The following PRR14 variants were observed in gnomAD, a reference collection of about 807,000 sequenced individuals.
PRR14 encodes proline rich 14.
A neutral mutation model predicts 57.2 loss-of-function variants in PRR14; 33 were observed. The observed-to-expected ratio is 0.58, with a 90% CI of 0.44 to 0.77. The LOEUF (loss-of-function observed/expected upper bound fraction) is 0.77, where lower values mean the gene tolerates loss of function less well. Among genes scored for constraint, PRR14 ranks in the 30% least tolerant of loss-of-function variants. The pLI, the probability that PRR14 is intolerant of heterozygous loss-of-function variation, is 0.00. For synonymous variants in PRR14, 303 were observed against 314.7 expected, an observed-to-expected ratio of 0.96 and a Z score of 0.39; for missense variants, 716 against 788.1, an observed-to-expected ratio of 0.91 and a Z score of 1.10.
chr16:30,653,285 C>G, intron 5 of PRR14, 80 bp from the exon 6 acceptor site: 1 of 1,508,796 alleles, frequency 6.6e-7, no homozygotes, highest in Non-Finnish European at 9.2e-7. Context: ...AAGCAGCTAT[C>G]CGGGAACTGA....
Position 30,651,562 on chromosome 16 carries a change from C to T in PRR14, c.-50-34C>T. 1 of 833,660 alleles carries T rather than the reference C, an allele frequency of 1.2e-6. No individual in the cohort carries two copies. The highest frequency in any genetic ancestry group is 1.8e-6 in the Non-Finnish European group (1 of 556,360). 51.6% of individuals were successfully genotyped at this position (833,660 alleles called of 1,614,324 possible). A position where few individuals can be genotyped will look rare whatever the true frequency, so the allele number is the denominator to read the frequency against. On this transcript the variant is annotated intron_variant, in intron 1 of 11. Transcript: ENST00000300835. This position sits in a 1 kb window ranked among gnomAD's most constrained non-coding sequence, Gnocchi z 5.0. Reference sequence around the variant, plus strand: ...GAGCCCCAGGGAAGGGGCCGGCCCTCACCCCCCGCTCCCCCGCTCCCCCCT... The same window carrying T: ...GAGCCCCAGGGAAGGGGCCGGCCCTTACCCCCCGCTCCCCCGCTCCCCCCT...
At position 30,656,180 on chromosome 16, in the gene PRR14, G is replaced by A. The variant is rs2052370590; in HGVS notation, c.1627G>A (p.Gly543Ser). Residue 543 changes from glycine (G) to serine (S), a missense_variant, in exon 12 of 12, where the codon GGC becomes AGC. Gly to Ser is a moderately conservative substitution (Grantham distance 56). Coordinates refer to ENST00000300835, the MANE Select transcript of PRR14 (RefSeq NM_024031.5). ...RPSRGVRAAGGRTVPPNVAPS... is the reference protein window; with the variant it reads ...RPSRGVRAAGSRTVPPNVAPS... ...GTCCCGTGGGGTCCGGGCTGCAGGG[G>A]GCAGGACTGTTCCTCCCAATGTGGC... is the stretch of plus-strand genomic sequence containing the variant. The A allele has an allele frequency of 5.6e-6, 9 of 1,609,850 alleles. No homozygotes were observed. Among genetic ancestry groups the A allele is most frequent in the Non-Finnish European group, 7.6e-6 (9 of 1,178,556 alleles).
chr16:30,652,054 G>T (rs1478784642), intron 3 of PRR14, 90 bp downstream of exon 3: 6 of 1,377,822 alleles, frequency 4.4e-6, no homozygotes, highest in Non-Finnish European at 4.9e-6. Flanking sequence ...GATAACTGAA[G>T]TCCAAATCCA....
rs764135927 is a variant in PRR14, at chr16:30,652,730, G to A, written c.202G>A (p.Val68Met). 22 of 1,613,998 alleles carry A rather than the reference G, an allele frequency of 1.4e-5. No homozygotes were observed. Among genetic ancestry groups the A allele is most frequent in the East Asian group, 2.2e-5 (1 of 44,886 alleles). ...DVMAVHMVPVVPSKQTSIPQH... is the reference protein window; with the variant it reads ...DVMAVHMVPVMPSKQTSIPQH... ...CCTCTTTCTCTTCCAGGTCCCCGTG[G>A]TGCCCTCAAAGCAGACCTCCATACC... Residue 68 changes from valine to methionine, a missense_variant, in exon 4 of 12, where the codon GTG (valine) becomes ATG (methionine). By Grantham distance (21) the Val-to-Met change is conservative. Transcript: ENST00000300835.
Position 30,654,843 on chromosome 16 carries a change from C to G in PRR14, c.873C>G (p.Ala291=). The G allele has an allele frequency of 1.9e-6, 3 of 1,608,690 alleles. No individual in the cohort carries two copies. Among genetic ancestry groups the G allele is most frequent in the Non-Finnish European group, 2.5e-6 (3 of 1,176,744 alleles). Residue 291 remains alanine (A), a synonymous_variant, in exon 8 of 12, where the codon GCC becomes GCG. Coordinates refer to ENST00000300835, the MANE Select transcript of PRR14 (RefSeq NM_024031.5). The part of the protein sequence containing the change: ...KLELKIAISE[A]EQSGAAEGTA... ...AGTTGAAGATCGCCATCTCAGAGGC[C>G]GAGCAGTCTGGGGCTGCTGAGGGCA...
Position 30,650,991 on chromosome 16 carries a change from AGTGGATCCCTGGG to A in PRR14, c.-185_-173del. 1 of 455,876 alleles carries A rather than the reference AGTGGATCCCTGGG, an allele frequency of 2.2e-6. No individual in the cohort carries two copies. Among genetic ancestry groups the A allele is most frequent in the Non-Finnish European group, 4.4e-6 (1 of 226,286 alleles). 28.2% of individuals were successfully genotyped at this position (455,876 alleles called of 1,614,324 possible). Reference sequence around the variant, plus strand: ...GGAGTGAAGAGGGTATCTGCTTGACAGTGGATCCCTGGGGATCTACGCTGAGTTCGGAGATGCT... The same window carrying A: ...GGAGTGAAGAGGGTATCTGCTTGACAGATCTACGCTGAGTTCGGAGATGCT... On this transcript the variant is annotated 5_prime_UTR_variant, in exon 1 of 12. Coordinates refer to ENST00000300835, the MANE Select transcript of PRR14 (RefSeq NM_024031.5).
Position 30,655,784 on chromosome 16 carries a change from A to G in PRR14, c.1407-84A>G. ...CTCCTGGCCCTGACATGTCCCAGAA[A>G]CTGAAATACAGACCAGGCCTTACCT... On this transcript the variant is annotated intron_variant, in intron 10 of 11. Coordinates refer to ENST00000300835, the MANE Select transcript of PRR14 (RefSeq NM_024031.5). This position sits in a 1 kb window ranked among gnomAD's most constrained non-coding sequence, Gnocchi z 4.6. The G allele has an allele frequency of 1.3e-6, 2 of 1,491,518 alleles. No individual in the cohort carries two copies. Among genetic ancestry groups the G allele is most frequent in the South Asian group, 2.3e-5 (2 of 88,418 alleles). 92.4% of individuals were successfully genotyped at this position (1,491,518 alleles called of 1,614,324 possible).
Position 30,653,038 on chromosome 16 carries a change from C to T in PRR14, c.439C>T (p.Arg147Trp), listed in dbSNP as rs146665318. Residue 147 changes from arginine (R) to tryptophan (W), a missense_variant, in exon 5 of 12, where the codon CGG (arginine) becomes TGG (tryptophan). Physicochemically the swap from Arg to Trp is moderately radical, Grantham distance 101. Coordinates refer to ENST00000300835, the MANE Select transcript of PRR14 (RefSeq NM_024031.5). ...PEEGPSQKVD[R>W]APQPTLVVML... ...GGAGGGCCCTTCACAAAAGGTGGAC[C>T]GGGCCCCCCAGCCCACCCTGGTGGT... 257 of 1,613,794 alleles carry T rather than the reference C, an allele frequency of 1.6e-4. No homozygotes were observed. The highest frequency in any genetic ancestry group is 2.0e-4 in the Non-Finnish European group (238 of 1,179,944).
chr16:30,651,020 CGGA>C lies in PRR14; in HGVS notation c.-156_-154del, dbSNP rs772374024. ...GATCCCTGGGGATCTACGCTGAGTT[CGGA>C]GATGCTCCAGCTCGGGCCGCCCCTG... On this transcript the variant is annotated 5_prime_UTR_variant, in exon 1 of 12. Transcript: ENST00000300835. The surrounding 1 kb of genome is among the most constrained non-coding windows in gnomAD (Gnocchi z 5.0). 1.1e-4 allele frequency: 50 copies of C among 456,266 alleles called. 1 individual carries two copies. Among genetic ancestry groups the C allele is most frequent in the Non-Finnish European group, 1.9e-4 (44 of 226,748 alleles). 28.3% of individuals were successfully genotyped at this position (456,266 alleles called of 1,614,324 possible). A position where few individuals can be genotyped will look rare whatever the true frequency, so the allele number is the denominator to read the frequency against.
chr16:30,651,516 G>A lies in PRR14; in HGVS notation c.-50-80G>A, dbSNP rs2052311327. Reference sequence around the variant, plus strand: ...TGCGGCCGCTGGGCTACGGGGAGCCGCGGGCGGACCATGAAGGGCGGAGCC... The same window carrying A: ...TGCGGCCGCTGGGCTACGGGGAGCCACGGGCGGACCATGAAGGGCGGAGCC... On this transcript the variant is annotated intron_variant, in intron 1 of 11. Transcript: ENST00000300835. This position sits in a 1 kb window ranked among gnomAD's most constrained non-coding sequence, Gnocchi z 5.0. 1 of 645,302 alleles carries A rather than the reference G, an allele frequency of 1.5e-6. No individual in the cohort carries two copies. Among genetic ancestry groups the A allele is most frequent in the Non-Finnish European group, 2.5e-6 (1 of 404,958 alleles). 40.0% of individuals were successfully genotyped at this position (645,302 alleles called of 1,614,324 possible).
intron 6 of PRR14, chr16:30,654,026 G>A: frequency 1.7e-6 from 1 of 574,614 alleles, no homozygotes; most frequent in Non-Finnish European, 3.1e-6. Flanking sequence ...CCACTTGGGA[G>A]GCTGAGGTGG....
In PRR14 at chr16:30,651,441, G is replaced by A. The variant is rs2052310016; in HGVS notation, c.-50-155G>A. Reference sequence around the variant, plus strand: ...CTGATCGAGGCGGTGGCAGCGGGAGGACACCCGCTCCGGGCGACCGGCCGG... The same window carrying A: ...CTGATCGAGGCGGTGGCAGCGGGAGAACACCCGCTCCGGGCGACCGGCCGG... On this transcript the variant is annotated intron_variant, in intron 1 of 11. Coordinates refer to ENST00000300835, the MANE Select transcript of PRR14 (RefSeq NM_024031.5). The surrounding 1 kb of genome is among the most constrained non-coding windows in gnomAD (Gnocchi z 5.0). 2.0e-6 allele frequency: 1 copy of A among 491,058 alleles called. No individual in the cohort carries two copies. The highest frequency in any genetic ancestry group is 2.0e-5 in the African/African-American group (1 of 48,796). 30.4% of individuals were successfully genotyped at this position (491,058 alleles called of 1,614,324 possible). A position where few individuals can be genotyped will look rare whatever the true frequency, so the allele number is the denominator to read the frequency against.
In PRR14 at chr16:30,652,132, C is replaced by T. The variant is rs988593471; in HGVS notation, c.192+168C>T. On this transcript the variant is annotated intron_variant, in intron 3 of 11. Coordinates refer to ENST00000300835, the MANE Select transcript of PRR14 (RefSeq NM_024031.5). ...AGTCCTGCTTGGCTCCCACTTACTCCAACCTAGAATTGGGCAGTGCCCATT... is the reference window on the plus strand; with the variant it reads ...AGTCCTGCTTGGCTCCCACTTACTCTAACCTAGAATTGGGCAGTGCCCATT... 4 of 765,596 alleles carry T rather than the reference C, an allele frequency of 5.2e-6. No homozygotes were observed. The African/African-American group carries it at 5.3e-5, about 10-fold the overall frequency. 47.4% of individuals were successfully genotyped at this position (765,596 alleles called of 1,614,324 possible).
Position 30,655,146 on chromosome 16 carries a change from C to T in PRR14, c.1176C>T (p.Ala392=), listed in dbSNP as rs1192698204. 3 of 1,608,984 alleles carry T rather than the reference C, an allele frequency of 1.9e-6. No homozygotes were observed. The Admixed American group carries it at 5.0e-5, about 27-fold the overall frequency. The stretch of plus-strand genomic sequence containing the variant: ...TCTTCCCTCTCGGAGGAGTGGGAGC[C>T]TCCCCTTCTCTCACCACATCTTGCT... ...KEVFPLGGVG[A]SPSLTTSCSS... The change falls in exon 8 of 12, where the codon GCC becomes GCT. Residue 392 remains alanine (A), a synonymous_variant. Coordinates refer to ENST00000300835, the MANE Select transcript of PRR14 (RefSeq NM_024031.5). This position sits in a 1 kb window ranked among gnomAD's most constrained non-coding sequence, Gnocchi z 4.6.
chr16:30,655,051 C>T lies in PRR14; in HGVS notation c.1081C>T (p.Arg361Trp), dbSNP rs139644175. 2.4e-5 allele frequency: 39 copies of T among 1,610,954 alleles called. No individual in the cohort carries two copies. The highest frequency in any genetic ancestry group is 1.1e-4 in the African/African-American group (8 of 74,928). ...PPQPSRPRPR[R>W]HTVGGGEMAR... ...CCAACCAAGCCGACCACGGCCGCGG[C>T]GGCACACTGTGGGTGGTGGGGAAAT... is the stretch of plus-strand genomic sequence containing the variant. The change falls in exon 8 of 12, where the codon CGG becomes TGG. Residue 361 changes from arginine (R) to tryptophan (W), a missense_variant. By Grantham distance (101) the Arg-to-Trp change is moderately radical. Coordinates refer to ENST00000300835, the MANE Select transcript of PRR14 (RefSeq NM_024031.5). This position sits in a 1 kb window ranked among gnomAD's most constrained non-coding sequence, Gnocchi z 4.6.
Position 30,652,922 on chromosome 16 carries a change from A to T in PRR14, c.323A>T (p.Asp108Val). The T allele has an allele frequency of 6.2e-7, 1 of 1,613,492 alleles. No homozygotes were observed. Among genetic ancestry groups the T allele is most frequent in the Non-Finnish European group, 8.5e-7 (1 of 1,179,838 alleles). The change falls in exon 5 of 12, where the codon GAC becomes GTC. Residue 108 changes from aspartate (D) to valine (V), a missense_variant. Transcript: ENST00000300835. ...AGWSSQARPP[D>V]PLCLCREPLS... ...TCCTGTTCCCTCGCTAGGCCTCCCGACCCTCTGTGTTTGTGTCGCGAGCCC... is the reference window on the plus strand; with the variant it reads ...TCCTGTTCCCTCGCTAGGCCTCCCGTCCCTCTGTGTTTGTGTCGCGAGCCC...
chr16:30,651,437 GGA>G lies in PRR14; in HGVS notation c.-50-157_-50-156del. ...TCCGCTGATCGAGGCGGTGGCAGCGGGAGGACACCCGCTCCGGGCGACCGGCC... is the reference window on the plus strand; with the variant it reads ...TCCGCTGATCGAGGCGGTGGCAGCGGGGACACCCGCTCCGGGCGACCGGCC... On this transcript the variant is annotated intron_variant, in intron 1 of 11. Transcript: ENST00000300835. The surrounding 1 kb of genome is among the most constrained non-coding windows in gnomAD (Gnocchi z 5.0). The G allele has an allele frequency of 2.0e-6, 1 of 489,834 alleles. No individual in the cohort carries two copies. The highest frequency in any genetic ancestry group is 4.1e-5 in the Admixed American group (1 of 24,608). 30.3% of individuals were successfully genotyped at this position (489,834 alleles called of 1,614,324 possible).
In PRR14 at chr16:30,651,674, A is replaced by C; in HGVS notation, c.23+6A>C. On this transcript the variant is annotated splice_donor_region_variant and intron_variant, in intron 2 of 11. Coordinates refer to ENST00000300835, the MANE Select transcript of PRR14 (RefSeq NM_024031.5). This position sits in a 1 kb window ranked among gnomAD's most constrained non-coding sequence, Gnocchi z 5.0. ...GACTTGCCCGGGGACTCCAGGTGAG[A>C]GCGTACCCGGGCGGCCCGCCTGTCT... 6.2e-7 allele frequency: 1 copy of C among 1,609,574 alleles called. No homozygotes were observed. The highest frequency in any genetic ancestry group is 8.5e-7 in the Non-Finnish European group (1 of 1,178,512).
Position 30,652,402 on chromosome 16 carries a change from G to A in PRR14, c.193-319G>A, listed in dbSNP as rs566868646. On this transcript the variant is annotated intron_variant, in intron 3 of 11. Transcript: ENST00000300835. ...CTTCCCAGCCCAGCCTCCTTAGGAAGCAGGCTGAGGTCTTTGACTCCACTG... is the reference window on the plus strand; with the variant it reads ...CTTCCCAGCCCAGCCTCCTTAGGAAACAGGCTGAGGTCTTTGACTCCACTG... The A allele has an allele frequency of 8.8e-6, 5 of 571,388 alleles. No homozygotes were observed. The East Asian group carries it at 1.8e-4, about 21-fold the overall frequency. The allele number at this position is 571,388 out of a possible 1,614,324, so 35.4% of individuals were successfully genotyped here.
Sources: allele counts gnomAD v4.1 joint callset, GRCh38; gene constraint gnomAD v4.1.1; non-coding constraint Gnocchi (gnomAD v3.1); transcripts MANE v1.5; gene names NCBI Gene and HGNC (gene_info 2026-07-23, HGNC 2026-07-21).